Variants in SOS1 observed in about 807,000 individuals in gnomAD.
SOS1 encodes the protein SOS Ras/Rac guanine nucleotide exchange factor 1, also known as son of sevenless homolog 1.
SOS1 carries 25 observed loss-of-function variants against 157.6 expected under a neutral mutation model. The ratio of observed to expected loss-of-function variants is 0.16; its 90% CI spans 0.12 to 0.22. The LOEUF (loss-of-function observed/expected upper bound fraction) is 0.22, where lower values mean the gene tolerates loss of function less well. Among genes scored for constraint, SOS1 ranks in the 10% least tolerant of loss-of-function variants. SOS1 has a pLI of 1.00. For synonymous variants in SOS1, 528 were observed against 534.0 expected, an observed-to-expected ratio of 0.99 and a Z score of 0.16; for missense variants, 1,237 against 1,599.1, an observed-to-expected ratio of 0.77 and a Z score of 3.86.
At chr2:39,041,066 T>C (rs1369363074) in intron 6 of SOS1, among the ~76,000 whole-genome samples, 1 of 152,148 alleles carries the variant, frequency 6.6e-6, no homozygotes, top group Non-Finnish European at 1.5e-5. Context: ...TGCATAATGT[T>C]TTTTCTTTTA....
rs1379709794 is a variant in SOS1 at position 39,094,068 on chromosome 2, A to G, written c.87+26268T>C. 2.6e-5 allele frequency among the ~76,000 whole-genome samples: 4 copies of G among 152,348 alleles called. No homozygotes were observed. The South Asian group carries it at 8.3e-4, about 32-fold the overall frequency. On this transcript the variant is annotated intron_variant, in intron 1 of 22. Transcript: ENST00000402219. ...CAAACCGGTTGAATGTAGAAACAGA[A>G]AATGAGAATCCAGATCGTACTATTA...
rs756044708 is a variant in SOS1, at chr2:39,051,210, T to G, written c.798A>C (p.Thr266=). 29 of 1,613,294 alleles carry G rather than the reference T, an allele frequency of 1.8e-5. No individual in the cohort carries two copies. Among genetic ancestry groups the G allele is most frequent in the Middle Eastern group, 1.6e-4 (1 of 6,080 alleles). ...GACTGCCTTCATCTGTCATTTCTAC[T>G]GTATCTTCTATATGGCCCAGTAACT... The part of the protein sequence containing the change: ...SVKLLGHIED[T]VEMTDEGSPH... Residue 266 remains threonine (T), a synonymous_variant, in exon 6 of 23, where the codon ACA becomes ACC. Transcript: ENST00000402219.
intron 1 of SOS1, among the ~76,000 whole-genome samples, chr2:39,079,947 C>A (rs1039337060): frequency 6.6e-6 from 1 of 151,904 alleles, no homozygotes; most frequent in Admixed American, 6.6e-5. Flanking sequence ...GGGAAGCATG[C>A]CTAAAGTCAG....
In SOS1 at chr2:39,088,732, CAT is replaced by C. The variant is rs1195171062; in HGVS notation, c.88-20981_88-20980del. Among the ~76,000 whole-genome samples, 3 of 152,220 alleles carry C rather than the reference CAT, an allele frequency of 2.0e-5. No individual in the cohort carries two copies. In the South Asian group the frequency reaches 6.2e-4, roughly 32 times the overall value. On this transcript the variant is annotated intron_variant, in intron 1 of 22. Coordinates refer to ENST00000402219, the MANE Select transcript of SOS1 (RefSeq NM_005633.4). ...ATTTATCTATTCATCTGGTAACTGA[CAT>C]GTGGTTAGTTTCTACCTTTTGGCTA...
chr2:39,011,793 G>A (rs1669482818), intron 14 of SOS1, among the ~76,000 whole-genome samples: 1 of 152,160 alleles, frequency 6.6e-6, no homozygotes, highest in Non-Finnish European at 1.5e-5. Context: ...GGTACTATCA[G>A]TAGCCCCATT....
chr2:39,061,431 G>A (rs538957170), intron 2 of SOS1, among the ~76,000 whole-genome samples: 5 of 151,772 alleles, frequency 3.3e-5, no homozygotes, highest in Admixed American at 1.3e-4. Context: ...TCTATCACCC[G>A]AGCTGGAGTG....
intron 8 of SOS1, among the ~76,000 whole-genome samples, chr2:39,030,699 G>A (rs1417286132): frequency 6.6e-6 from 1 of 152,086 alleles, no homozygotes; most frequent in Non-Finnish European, 1.5e-5. Flanking sequence ...GTTAAGGGTT[G>A]AATTGTGTCC....
rs727503436 is a variant in SOS1, at chr2:39,007,201, TAA to T, written c.2511-10_2511-9del. ...TCAGTTTCTACAATACATCTGGGAA[TAA>T]AAAAAAAGTGAACTAAAGGTTTTAG... On this transcript the variant is annotated splice_polypyrimidine_tract_variant and intron_variant, in intron 15 of 22. Coordinates refer to ENST00000402219, the MANE Select transcript of SOS1 (RefSeq NM_005633.4). 1.9e-6 allele frequency: 3 copies of T among 1,541,746 alleles called. No individual in the cohort carries two copies. Among genetic ancestry groups the T allele is most frequent in the East Asian group, 2.3e-5 (1 of 44,176 alleles).
intron 1 of SOS1, among the ~76,000 whole-genome samples, chr2:39,106,675 G>A (rs1288469801): frequency 1.3e-5 from 2 of 151,294 alleles, no homozygotes; most frequent in Non-Finnish European, 2.9e-5. Flanking sequence ...ATTTTCCCAT[G>A]TATATCTCCA....
At chr2:39,098,175 C>T (rs1047128957) in intron 1 of SOS1, 2 of 184,442 alleles carry the variant, frequency 1.1e-5, no homozygotes, top group Non-Finnish European at 2.3e-5. Context: ...GCAAGAATGT[C>T]ACCATCTTTA....
At chr2:39,107,617 G>C (rs1370789299) in intron 1 of SOS1, among the ~76,000 whole-genome samples, 2 of 140,170 alleles carry the variant, frequency 1.4e-5, no homozygotes, top group Non-Finnish European at 3.0e-5. Flanking sequence ...AGAGGTCCTG[G>C]ACTAATACAA....
chr2:39,106,941 G>GT (rs1238453435), intron 1 of SOS1, among the ~76,000 whole-genome samples: 10 of 152,124 alleles, frequency 6.6e-5, no homozygotes, highest in Admixed American at 6.5e-4. Context: ...TCTGTTTGTG[G>GT]TTTTGCATAT....
chr2:39,038,436 C>T (rs1670432658), intron 6 of SOS1, among the ~76,000 whole-genome samples: 1 of 151,916 alleles, frequency 6.6e-6, no homozygotes, highest in Admixed American at 6.6e-5. Context: ...TATGGATGAG[C>T]AAAGAAAGTG....
chr2:39,104,783 A>G (rs1314315525), intron 1 of SOS1, among the ~76,000 whole-genome samples: 1 of 152,260 alleles, frequency 6.6e-6, no homozygotes, highest in Non-Finnish European at 1.5e-5. Context: ...AACCTTGAAA[A>G]TATTATACTA....
intron 1 of SOS1, among the ~76,000 whole-genome samples, chr2:39,105,885 G>A (rs1351050385): frequency 1.3e-5 from 2 of 151,932 alleles, no homozygotes; most frequent in African/African-American, 4.8e-5. Context: ...GGGCGACAGG[G>A]TGAGACTCTG....
At chr2:39,086,179 C>T (rs1037097347) in intron 1 of SOS1, among the ~76,000 whole-genome samples, 4 of 151,886 alleles carry the variant, frequency 2.6e-5, no homozygotes, top group African/African-American at 9.7e-5. Flanking sequence ...TCTAGTGGTT[C>T]GGAAAAGATT....
At chr2:39,035,830 A>G (rs1300450344) in intron 6 of SOS1, among the ~76,000 whole-genome samples, 1 of 152,196 alleles carries the variant, frequency 6.6e-6, no homozygotes, top group African/African-American at 2.4e-5. Context: ...TGACAACAAC[A>G]AAGAATATAG....
chr2:39,092,965 T>A (rs1672643908), intron 1 of SOS1, among the ~76,000 whole-genome samples: 1 of 152,166 alleles, frequency 6.6e-6, no homozygotes, highest in African/African-American at 2.4e-5. Context: ...AATGTTAACT[T>A]CAGAAATTTA....
At chr2:39,050,631 A>G (rs1382917767) in intron 6 of SOS1, among the ~76,000 whole-genome samples, 1 of 152,208 alleles carries the variant, frequency 6.6e-6, no homozygotes, top group Non-Finnish European at 1.5e-5. Context: ...TCCTTTGAGC[A>G]TCATGTTGGA....
Sources: allele counts gnomAD v4.1 joint callset (sites outside exome capture counted in the v4.1 genomes callset), GRCh38; gene constraint gnomAD v4.1.1; transcripts MANE v1.5; gene names NCBI Gene and HGNC (gene_info 2026-07-23, HGNC 2026-07-21).